NR4A1: variants seen among roughly 807,000 people sequenced by gnomAD.
NR4A1 encodes the protein nuclear receptor subfamily 4 group A member 1.
Under a neutral mutation model 47.5 loss-of-function variants are expected in NR4A1, and 24 were observed. That is an observed-to-expected ratio of 0.50 (90% CI 0.37 to 0.71). The LOEUF (loss-of-function observed/expected upper bound fraction) is 0.71. Among genes scored for constraint, NR4A1 ranks in the 30% least tolerant of loss-of-function variants. The pLI is 0.00. For missense variants in NR4A1, 669 were observed against 788.6 expected, an observed-to-expected ratio of 0.85 and a Z score of 1.82; for synonymous variants, 353 against 345.7, an observed-to-expected ratio of 1.02 and a Z score of -0.24.
intron 1 of NR4A1, among the ~76,000 whole-genome samples, chr12:52,028,202 CAAAAAAAA>C (rs34072500): frequency 4.9e-5 from 3 of 61,776 alleles, no homozygotes; most frequent in African/African-American, 7.0e-5. Flanking sequence ...ACCCTGTCTC[CAAAAAAAA>C]AAAAAAAAAA....
Position 52,038,125 on chromosome 12 carries a change from C to T in NR4A1, c.-83-3685C>T, listed in dbSNP as rs1158765755. ...TGTTGCCCAGGCTGGAGTGCAGTAG[C>T]GTGATCTCGGCTCACTGCAATCTCC... On this transcript the variant is annotated intron_variant, in intron 1 of 7. Coordinates refer to the NR4A1 transcript ENST00000360284. The T allele has an allele frequency of 6.5e-6, 6 of 929,704 alleles. No homozygotes were observed. The South Asian group carries it at 3.0e-4, about 46-fold the overall frequency. The allele number at this position is 929,704 out of a possible 1,614,324, so 57.6% of individuals were successfully genotyped here.
chr12:52,048,390 C>G (rs539042437), upstream of NR4A1, among the ~76,000 whole-genome samples: 4 of 151,926 alleles, frequency 2.6e-5, no homozygotes, highest in African/African-American at 7.3e-5. Context: ...GTCAGGAGAT[C>G]AAGACCATCC....
rs367846039 is a variant in NR4A1, at chr12:52,058,807, C to T, written c.1660C>T (p.Arg554Cys). ...GEPQPASCLS[R>C]LLGKLPELRT... ...GCCCCAGCCAGCCAGCTGCCTGTCA[C>T]GTCTGTTGGGCAAACTGCCCGAGCT... The change falls in exon 7 of 7, where the codon CGT becomes TGT. Residue 554 changes from arginine to cysteine, a missense_variant. Coordinates refer to ENST00000394825, the MANE Select transcript of NR4A1 (RefSeq NM_173157.3). 3.6e-5 allele frequency: 58 copies of T among 1,613,532 alleles called. No homozygotes were observed. The highest frequency in any genetic ancestry group is 4.7e-5 in the Non-Finnish European group (56 of 1,179,952).
At chr12:52,048,593 TAAAAA>T (rs1181252354), upstream of NR4A1, among the ~76,000 whole-genome samples, 1 of 150,266 alleles carries the variant, frequency 6.7e-6, no homozygotes, top group African/African-American at 2.4e-5. Context: ...GACTCCGTCT[TAAAAA>T]AAAAAGTTAG....
upstream of NR4A1, among the ~76,000 whole-genome samples, chr12:52,046,647 A>G (rs942154753): frequency 1.1e-4 from 17 of 152,222 alleles, no homozygotes; most frequent in African/African-American, 3.9e-4. Context: ...ATCTGGATCC[A>G]TATGAAGAAA....
chr12:52,024,648 G>A (rs1473041221), intron 1 of NR4A1, among the ~76,000 whole-genome samples: 1 of 151,996 alleles, frequency 6.6e-6, no homozygotes, highest in Non-Finnish European at 1.5e-5. Context: ...TTGTGCCACT[G>A]GCCACTGCAC....
intron 1 of NR4A1, among the ~76,000 whole-genome samples, chr12:52,034,892 T>A (rs541020536): frequency 1.7e-4 from 26 of 152,364 alleles, no homozygotes; most frequent in African/African-American, 6.0e-4. Context: ...TCTGCCATGA[T>A]GTGCCAGACT....
chr12:52,024,128 G>A (rs1045664370), intron 1 of NR4A1, among the ~76,000 whole-genome samples: 1 of 152,216 alleles, frequency 6.6e-6, no homozygotes, highest in African/African-American at 2.4e-5. Flanking sequence ...AGGACCCTTT[G>A]TAACCGCGAA....
chr12:52,057,922 C>T (rs1939361136), intron 6 of NR4A1, among the ~76,000 whole-genome samples: 1 of 152,094 alleles, frequency 6.6e-6, no homozygotes, highest in East Asian at 1.9e-4. Context: ...CATAACTGCC[C>T]CCCAGAACCC....
chr12:52,048,078 T>C (rs1451834357), upstream of NR4A1, among the ~76,000 whole-genome samples: 7 of 149,444 alleles, frequency 4.7e-5, no homozygotes, highest in African/African-American at 1.5e-4. Flanking sequence ...GGCATGAACC[T>C]GGGAGGCGGA....
Position 52,059,037 on chromosome 12 carries a change from G to A in NR4A1, c.*93G>A. 1 of 1,446,884 alleles carries A rather than the reference G, an allele frequency of 6.9e-7. No individual in the cohort carries two copies. Among genetic ancestry groups the A allele is most frequent in the Non-Finnish European group, 9.3e-7 (1 of 1,080,878 alleles). 89.6% of individuals were successfully genotyped at this position (1,446,884 alleles called of 1,614,324 possible). On this transcript the variant is annotated 3_prime_UTR_variant, in exon 7 of 7. Transcript: ENST00000394825. The stretch of plus-strand genomic sequence containing the variant: ...GACCCCCAGAGCACCCCCAAGCCTG[G>A]GCTTGAGCTGCAGAATGACTCCACC...
At chr12:52,031,129 C>G (rs1337714796) in intron 1 of NR4A1, among the ~76,000 whole-genome samples, 2 of 152,262 alleles carry the variant, frequency 1.3e-5, no homozygotes, top group East Asian at 3.9e-4. Context: ...GATTCTCTCA[C>G]CTCCGCCCTG....
chr12:52,037,796 G>C, intron 1 of NR4A1: 5 of 985,488 alleles, frequency 5.1e-6, no homozygotes, highest in Non-Finnish European at 6.0e-6. Context: ...GACCGATGCT[G>C]CGTGATGCAA....
At position 52,043,619 on chromosome 12, in the gene NR4A1, C is replaced by T. The variant is rs1255606520; in HGVS notation, c.37+1690C>T. 3 of 1,095,416 alleles carry T rather than the reference C, an allele frequency of 2.7e-6. No homozygotes were observed. The African/African-American group carries it at 5.0e-5, about 18-fold the overall frequency. 67.9% of individuals were successfully genotyped at this position (1,095,416 alleles called of 1,614,324 possible). A position where few individuals can be genotyped will look rare whatever the true frequency, so the allele number is the denominator to read the frequency against. The stretch of plus-strand genomic sequence containing the variant: ...GGCTCTTGCTGACCTGGGCCAAAGT[C>T]AGGTCCAGTCAAGAGGGCCCAAAGT... On this transcript the variant is annotated intron_variant, in intron 2 of 7. Coordinates refer to the NR4A1 transcript ENST00000360284.
chr12:52,050,860 G>T (rs1592298474), upstream of NR4A1, among the ~76,000 whole-genome samples: 1 of 152,182 alleles, frequency 6.6e-6, no homozygotes, highest in South Asian at 2.1e-4. Flanking sequence ...CCCGCGGCCT[G>T]TCCTGACCGC....
chr12:52,058,740 C>T lies in NR4A1; in HGVS notation c.1593C>T (p.Ile531=), dbSNP rs367942122. The change falls in exon 7 of 7, where the codon ATC becomes ATT. Residue 531 remains isoleucine, a synonymous_variant. Transcript: ENST00000394825. The stretch of plus-strand genomic sequence containing the variant: ...GGGTGGAGGAGCTGCAGAACCGCAT[C>T]GCCAGCTGCCTGAAGGAGCACGTGG... The part of the protein sequence containing the change: ...PRRVEELQNR[I]ASCLKEHVAA... 124 of 1,611,574 alleles carry T rather than the reference C, an allele frequency of 7.7e-5. No individual in the cohort carries two copies. The highest frequency in any genetic ancestry group is 4.9e-5 in the Non-Finnish European group (58 of 1,179,362).
At chr12:52,058,472 C>A (rs1939385234) in intron 6 of NR4A1, 1 of 589,726 alleles carries the variant, frequency 1.7e-6, no homozygotes, top group Non-Finnish European at 2.8e-6. Flanking sequence ...GCCTCCTGGG[C>A]CTCGGGTTCT....
Position 52,056,648 on chromosome 12 carries a change from G to A in NR4A1, c.1158+3G>A. On this transcript the variant is annotated splice_donor_region_variant and intron_variant, in intron 4 of 6. Transcript: ENST00000394825. ...CTGCCAAACTGGACTACTCCAAGGT[G>A]AGGTCCCACCCCGTGTCTGCCTTGG... is the stretch of plus-strand genomic sequence containing the variant. The A allele has an allele frequency of 6.3e-7, 1 of 1,577,606 alleles. No homozygotes were observed. Among genetic ancestry groups the A allele is most frequent in the South Asian group, 1.2e-5 (1 of 85,786 alleles).
At position 52,057,137 on chromosome 12, in the gene NR4A1, T is replaced by G; in HGVS notation, c.1239T>G (p.Ser413=). The change falls in exon 5 of 7, where the codon TCT becomes TCG. Residue 413 remains serine (S), a synonymous_variant. Coordinates refer to ENST00000394825, the MANE Select transcript of NR4A1 (RefSeq NM_173157.3). ...AGTTCTACGACCTGCTCTCCGGTTC[T>G]CTGGAGGTCATCCGCAAGTGGGCGG... The part of the protein sequence containing the change: ...VQQFYDLLSG[S]LEVIRKWAEK... 6.2e-7 allele frequency: 1 copy of G among 1,614,076 alleles called. No individual in the cohort carries two copies. The highest frequency in any genetic ancestry group is 8.5e-7 in the Non-Finnish European group (1 of 1,179,968).
Sources: gnomAD v4.1 joint callset for allele counts (sites outside exome capture counted in the v4.1 genomes callset) on GRCh38, gnomAD v4.1.1 for gene constraint, MANE v1.5 for transcripts, NCBI Gene and HGNC (gene_info 2026-07-23, HGNC 2026-07-21) for gene names.